Variants in SHROOM3 observed in about 807,000 individuals in gnomAD.
SHROOM3 encodes protein Shroom3.
SHROOM3 carries 47 observed loss-of-function variants against 138.6 expected under a neutral mutation model. The ratio of observed to expected loss-of-function variants is 0.34; its 90% CI spans 0.27 to 0.43. The LOEUF is 0.43. Among genes scored for constraint, SHROOM3 ranks in the 20% least tolerant of loss-of-function variants. SHROOM3 has a pLI of 1.00. For missense variants in SHROOM3, 2,491 were observed against 2,596.5 expected, an observed-to-expected ratio of 0.96 and a Z score of 0.88; for synonymous variants, 1,062 against 1,063.3, an observed-to-expected ratio of 1.00 and a Z score of 0.02.
intron 2 of SHROOM3, among the ~76,000 whole-genome samples, chr4:76,611,628 G>T (rs2110061500): frequency 6.6e-6 from 1 of 152,178 alleles, no homozygotes; most frequent in Non-Finnish European, 1.5e-5. Flanking sequence ...TTTTATATTT[G>T]CCCTCCATTG....
chr4:76,662,348 C>A (rs1404535817), intron 2 of SHROOM3, among the ~76,000 whole-genome samples: 2 of 152,224 alleles, frequency 1.3e-5, no homozygotes, highest in African/African-American at 4.8e-5. Flanking sequence ...AGGCAGCCTG[C>A]ATTTCTTCTC....
intron 1 of SHROOM3, among the ~76,000 whole-genome samples, chr4:76,489,142 A>G (rs1731796980): frequency 6.6e-6 from 1 of 152,232 alleles, no homozygotes. Context: ...CTGCTTGAAT[A>G]ATTTCAGACG....
At chr4:76,627,462 A>G (rs1735179211) in intron 2 of SHROOM3, among the ~76,000 whole-genome samples, 1 of 152,114 alleles carries the variant, frequency 6.6e-6, no homozygotes, top group Non-Finnish European at 1.5e-5. Context: ...CACTAGGTAG[A>G]GATTCTACCC....
In SHROOM3 at chr4:76,502,301, G is replaced by A. The variant is rs75841650; in HGVS notation, c.169-53308G>A. ...TATTCTGTTATAAGCAACAGAAAATGCACTAAGACACCTGAGTTCTGTGAG... is the reference window on the plus strand; with the variant it reads ...TATTCTGTTATAAGCAACAGAAAATACACTAAGACACCTGAGTTCTGTGAG... On this transcript the variant is annotated intron_variant, in intron 1 of 10. Coordinates refer to ENST00000296043, the MANE Select transcript of SHROOM3 (RefSeq NM_020859.4). Among the ~76,000 whole-genome samples the A allele has an allele frequency of 7.3e-3, 1,114 of 152,254 alleles. 13 individuals are homozygous for A. The highest frequency in any genetic ancestry group is 0.026 in the African/African-American group (1,065 of 41,540).
intron 1 of SHROOM3, among the ~76,000 whole-genome samples, chr4:76,464,621 C>T (rs1325473112): frequency 1.3e-5 from 2 of 152,140 alleles, no homozygotes; most frequent in Non-Finnish European, 2.9e-5. Flanking sequence ...CCACCCAAAT[C>T]TCATGTCCTA....
intron 2 of SHROOM3, among the ~76,000 whole-genome samples, chr4:76,681,294 C>T (rs1172002010): frequency 6.6e-6 from 1 of 152,174 alleles, no homozygotes; most frequent in African/African-American, 2.4e-5. Context: ...TAAATATCCT[C>T]TCCTCTGTTT....
At chr4:76,565,666 A>C (rs1227794277) in intron 2 of SHROOM3, among the ~76,000 whole-genome samples, 1 of 151,694 alleles carries the variant, frequency 6.6e-6, no homozygotes, top group Non-Finnish European at 1.5e-5. Flanking sequence ...TATTTTTTGT[A>C]GACAGAGTCT....
intron 10 of SHROOM3, among the ~76,000 whole-genome samples, chr4:76,771,511 T>C (rs967687807): frequency 6.6e-6 from 1 of 152,048 alleles, no homozygotes; most frequent in African/African-American, 2.4e-5. Flanking sequence ...ACATCATGAA[T>C]ACATTAAAAC....
At chr4:76,764,444 C>T (rs1343118470) in intron 9 of SHROOM3, among the ~76,000 whole-genome samples, 1 of 152,240 alleles carries the variant, frequency 6.6e-6, no homozygotes, top group Non-Finnish European at 1.5e-5. Flanking sequence ...ATCACTGGTT[C>T]TCAGCTGCCC....
intron 2 of SHROOM3, among the ~76,000 whole-genome samples, chr4:76,570,930 G>A (rs1466663647): frequency 6.6e-6 from 1 of 152,196 alleles, no homozygotes; most frequent in Non-Finnish European, 1.5e-5. Flanking sequence ...TGTACATGAG[G>A]TGATTGGACT....
chr4:76,525,411 A>G (rs1306827730), intron 1 of SHROOM3, among the ~76,000 whole-genome samples: 1 of 152,138 alleles, frequency 6.6e-6, no homozygotes, highest in Admixed American at 6.5e-5. Flanking sequence ...CCCTTGACAC[A>G]TGGGGATTAT....
chr4:76,685,061 AACCCCAAC>A (rs1319969127), intron 2 of SHROOM3, among the ~76,000 whole-genome samples: 1 of 152,220 alleles, frequency 6.6e-6, no homozygotes. Context: ...GTTCACAGTA[AACCCCAAC>A]ACCCATTTGA....
At chr4:76,695,333 G>A (rs1392057495) in intron 2 of SHROOM3, among the ~76,000 whole-genome samples, 2 of 152,164 alleles carry the variant, frequency 1.3e-5, no homozygotes, top group African/African-American at 4.8e-5. Flanking sequence ...GAGAATCATG[G>A]CTGCCTATTA....
chr4:76,450,891 A>G lies in SHROOM3; in HGVS notation c.168+14671A>G, dbSNP rs558804809. ...GTAACAAAAATTAGAAGAACAAAAA[A>G]AGACAGAAATTATAGTAAACCACAA... On this transcript the variant is annotated intron_variant, in intron 1 of 10. Coordinates refer to ENST00000296043, the MANE Select transcript of SHROOM3 (RefSeq NM_020859.4). Among the ~76,000 whole-genome samples, 6 of 152,336 alleles carry G rather than the reference A, an allele frequency of 3.9e-5. No individual in the cohort carries two copies. The South Asian group carries it at 1.2e-3, about 32-fold the overall frequency.
At chr4:76,462,307 G>A (rs772367077) in intron 1 of SHROOM3, among the ~76,000 whole-genome samples, 15 of 152,198 alleles carry the variant, frequency 9.9e-5, no homozygotes, top group Admixed American at 9.8e-4. Context: ...AGGAGGCAGA[G>A]GTTGGAGTGA....
chr4:76,537,481 T>G (rs1345654893), intron 1 of SHROOM3, among the ~76,000 whole-genome samples: 1 of 152,088 alleles, frequency 6.6e-6, no homozygotes, highest in Admixed American at 6.6e-5. Flanking sequence ...TGAGAATATG[T>G]TATAGGGCAA....
In SHROOM3 at chr4:76,782,287, C is replaced by G. The variant is rs969809939; in HGVS notation, c.*3110C>G. 1 of 152,172 alleles carries G rather than the reference C, an allele frequency of 6.6e-6. No homozygotes were observed. The highest frequency in any genetic ancestry group is 6.5e-5 in the Admixed American group (1 of 15,276). The allele number at this position is 152,172 out of a possible 1,614,324, so 9.4% of individuals were successfully genotyped here. Reference sequence around the variant, plus strand: ...ACATTTTAGGGTTTGTTTTGCACAGCTGGTTTCCAGACTAGAAGATTAACA... The same window carrying G: ...ACATTTTAGGGTTTGTTTTGCACAGGTGGTTTCCAGACTAGAAGATTAACA... On this transcript the variant is annotated 3_prime_UTR_variant, in exon 11 of 11. Transcript: ENST00000296043.
intron 2 of SHROOM3, 104 bp from the exon 3 acceptor site, chr4:76,710,052 C>A: frequency 1.3e-6 from 2 of 1,499,190 alleles, no homozygotes; most frequent in Admixed American, 1.7e-5. Flanking sequence ...TTTGCTCTGG[C>A]TCCGGGGTTC....
At chr4:76,455,584 C>G (rs1462414361) in intron 1 of SHROOM3, among the ~76,000 whole-genome samples, 1 of 151,876 alleles carries the variant, frequency 6.6e-6, no homozygotes, top group Non-Finnish European at 1.5e-5. Flanking sequence ...AAAATCCACA[C>G]ACAAAAGCTA....
Sources: allele counts gnomAD v4.1 joint callset (sites outside exome capture counted in the v4.1 genomes callset), GRCh38; gene constraint gnomAD v4.1.1; transcripts MANE v1.5; gene names NCBI Gene and HGNC (gene_info 2026-07-23, HGNC 2026-07-21).